The following FSHR variants were observed in gnomAD, a reference collection of about 807,000 sequenced individuals.
FSHR encodes the protein follicle stimulating hormone receptor, also known as follicle-stimulating hormone receptor.
Under a neutral mutation model 52.1 loss-of-function variants are expected in FSHR, and 46 were observed. That is an observed-to-expected ratio of 0.88 (90% CI 0.70 to 1.13). FSHR has a LOEUF of 1.13. Ranked by LOEUF, FSHR falls within the 50% of genes most tolerant of loss-of-function variation. The pLI, the probability that FSHR is intolerant of heterozygous loss-of-function variation, is 0.00. For missense variants in FSHR, 964 were observed against 834.6 expected (o/e 1.16, Z -1.91); for synonymous variants, 399 against 309.6 (o/e 1.29, Z -3.03).
At chr2:49,076,382 A>G (rs1669951050) in intron 1 of FSHR, among the ~76,000 whole-genome samples, 1 of 152,182 alleles carries the variant, frequency 6.6e-6, no homozygotes, top group Admixed American at 6.5e-5. Flanking sequence ...CATCTTTTTA[A>G]AATCATCAGA....
intron 2 of FSHR, among the ~76,000 whole-genome samples, chr2:49,037,505 G>A (rs1668309074): frequency 6.6e-6 from 1 of 152,104 alleles, no homozygotes; most frequent in Non-Finnish European, 1.5e-5. Flanking sequence ...AGAAGCTGCA[G>A]CAGATTTTAA....
At chr2:49,113,071 G>A (rs1671479823) in intron 1 of FSHR, among the ~76,000 whole-genome samples, 1 of 152,102 alleles carries the variant, frequency 6.6e-6, no homozygotes, top group African/African-American at 2.4e-5. Context: ...TGGGAGCCAG[G>A]GCAGCGCTCT....
At chr2:49,134,894 A>G (rs1672429442) in intron 1 of FSHR, among the ~76,000 whole-genome samples, 1 of 152,116 alleles carries the variant, frequency 6.6e-6, no homozygotes, top group South Asian at 2.1e-4. Flanking sequence ...GAAGGGGAAC[A>G]TCACACTCTG....
chr2:49,036,406 T>C (rs947544811), intron 2 of FSHR, among the ~76,000 whole-genome samples: 4 of 151,792 alleles, frequency 2.6e-5, no homozygotes, highest in African/African-American at 9.7e-5. Flanking sequence ...TAAATACCTA[T>C]ATCCTTATTT....
chr2:49,152,213 C>G (rs1673087421), intron 1 of FSHR, among the ~76,000 whole-genome samples: 1 of 152,134 alleles, frequency 6.6e-6, no homozygotes, highest in Non-Finnish European at 1.5e-5. Context: ...AATACGTACA[C>G]TGAAGTAAGG....
chr2:49,023,950 G>T (rs1036701480), intron 2 of FSHR, among the ~76,000 whole-genome samples: 2 of 151,646 alleles, frequency 1.3e-5, no homozygotes, highest in African/African-American at 4.9e-5. Context: ...GGTTGGGGTA[G>T]GGTGTTTTCC....
intron 2 of FSHR, among the ~76,000 whole-genome samples, chr2:49,037,337 T>C (rs927921755): frequency 6.6e-6 from 1 of 152,214 alleles, no homozygotes; most frequent in African/African-American, 2.4e-5. Flanking sequence ...CAGCAAATGT[T>C]AGGATATTTT....
intron 8 of FSHR, among the ~76,000 whole-genome samples, chr2:48,981,129 A>G (rs1675228592): frequency 6.6e-6 from 1 of 152,198 alleles, no homozygotes. Context: ...AAGCAGTACA[A>G]GTTTTGAGTA....
At chr2:48,993,124 C>G (rs770160185) in intron 4 of FSHR, among the ~76,000 whole-genome samples, 30 of 151,932 alleles carry the variant, frequency 2.0e-4, no homozygotes, top group Non-Finnish European at 4.3e-4. Flanking sequence ...CCTTTTGCTT[C>G]TCTTTTCTAT....
chr2:49,041,919 A>G (rs11125196), intron 2 of FSHR, among the ~76,000 whole-genome samples: 96,417 of 152,006 alleles, frequency 0.63, 30,751 homozygotes, highest in East Asian at 0.78. Flanking sequence ...GGCCAAGGCA[A>G]GCAGATTGCT....
intron 1 of FSHR, among the ~76,000 whole-genome samples, chr2:49,138,847 A>G (rs1025602309): frequency 1.3e-5 from 2 of 152,206 alleles, no homozygotes; most frequent in South Asian, 4.1e-4. Flanking sequence ...TGTGAGTTAT[A>G]GCTCAAAGCT....
intron 1 of FSHR, among the ~76,000 whole-genome samples, chr2:49,094,026 G>C (rs888348107): frequency 6.6e-6 from 1 of 152,048 alleles, no homozygotes; most frequent in Admixed American, 6.6e-5. Context: ...TAGGTCTATC[G>C]CTTTCTAATT....
At chr2:49,126,127 T>C (rs542208977) in intron 1 of FSHR, among the ~76,000 whole-genome samples, 33 of 152,288 alleles carry the variant, frequency 2.2e-4, no homozygotes, top group African/African-American at 7.9e-4. Context: ...GGTGTCTTAA[T>C]CTCTTTTGTG....
chr2:49,101,367 A>G (rs192905662), intron 1 of FSHR, among the ~76,000 whole-genome samples: 1 of 152,242 alleles, frequency 6.6e-6, no homozygotes, highest in East Asian at 1.9e-4. Flanking sequence ...CAGAACTGGG[A>G]GTAGATGGGG....
intron 2 of FSHR, among the ~76,000 whole-genome samples, chr2:49,026,709 G>T (rs899360613): frequency 2.0e-5 from 3 of 152,112 alleles, no homozygotes; most frequent in African/African-American, 7.2e-5. Context: ...AAGGATGCCC[G>T]GTGCCCAACA....
At chr2:49,089,113 ATTTAT>A (rs1014597863) in intron 1 of FSHR, among the ~76,000 whole-genome samples, 1 of 151,366 alleles carries the variant, frequency 6.6e-6, no homozygotes, top group African/African-American at 2.4e-5. Context: ...ATAATATAAT[ATTTAT>A]TTATATGAGT....
chr2:49,130,537 T>C lies in FSHR; in HGVS notation c.152+23729A>G, dbSNP rs932625005. On this transcript the variant is annotated intron_variant, in intron 1 of 9. Transcript: ENST00000406846. ...AATCCAATTCAGTTCAACTCATCTA[T>C]TGAATTTAGTGCAAGTCATTAATTT... Among the ~76,000 whole-genome samples, 19 of 152,242 alleles carry C rather than the reference T, an allele frequency of 1.2e-4. 1 individual carries two copies. Among genetic ancestry groups the C allele is most frequent in the Admixed American group, 2.6e-4 (4 of 15,276 alleles).
At chr2:49,011,919 G>A (rs540675269) in intron 4 of FSHR, among the ~76,000 whole-genome samples, 1 of 152,230 alleles carries the variant, frequency 6.6e-6, no homozygotes, top group East Asian at 1.9e-4. Flanking sequence ...ACACAGAAAA[G>A]AGAGAGAGGG....
rs1485413388 is a variant in FSHR, at chr2:49,133,700, G to A, written c.152+20566C>T. On this transcript the variant is annotated intron_variant, in intron 1 of 9. Transcript: ENST00000406846. ...AAGGCTACAATAACCAAAACAGCAC[G>A]GTACTGATACCAAAACAGAGATATA... Among the ~76,000 whole-genome samples the A allele has an allele frequency of 7.2e-5, 11 of 152,188 alleles. No individual in the cohort carries two copies. In the South Asian group the frequency reaches 1.0e-3, roughly 14 times the overall value.
Sources: allele counts gnomAD v4.1 joint callset (sites outside exome capture counted in the v4.1 genomes callset), GRCh38; gene constraint gnomAD v4.1.1; transcripts MANE v1.5; gene names NCBI Gene and HGNC (gene_info 2026-07-23, HGNC 2026-07-21).